Variants in ATP8A2 observed in about 807,000 individuals in gnomAD.
The protein encoded by ATP8A2 is ATPase phospholipid transporting 8A2.
Under a neutral mutation model 165.6 loss-of-function variants are expected in ATP8A2, and 100 were observed. The ratio of observed to expected loss-of-function variants is 0.60; its 90% confidence interval spans 0.51 to 0.71. The LOEUF is 0.71. Among genes scored for constraint, ATP8A2 ranks in the 30% least tolerant of loss-of-function variants. The probability of loss-of-function intolerance (pLI) is 0.00; values close to 1 mark genes in which losing one functional copy is unlikely to be tolerated. For missense variants in ATP8A2, 1,227 were observed against 1,479.5 expected (o/e 0.83, Z 2.80); for synonymous variants, 543 against 548.8 (o/e 0.99, Z 0.15).
intron 24 of ATP8A2, among the ~76,000 whole-genome samples, chr13:25,652,553 C>T (rs1197895660): frequency 6.6e-6 from 1 of 152,200 alleles, no homozygotes; most frequent in Non-Finnish European, 1.5e-5. Flanking sequence ...TTCATTTAAA[C>T]ATGTTATTCA....
intron 33 of ATP8A2, among the ~76,000 whole-genome samples, chr13:25,866,918 G>A (rs1046536367): frequency 1.3e-4 from 20 of 152,196 alleles, no homozygotes; most frequent in Non-Finnish European, 2.6e-4. Context: ...GGTGACCACC[G>A]TAAGGGCAGC....
rs114954133 is a variant in ATP8A2 at position 25,582,292 on chromosome 13, G to A, written c.2146+335G>A. ...ATGTTTTTACTAGGTTTAAATATGC[G>A]TTATTATTTTATGTAATTATAACCA... On this transcript the variant is annotated intron_variant, in intron 23 of 36. Transcript: ENST00000381655. Among the ~76,000 whole-genome samples, 1,088 of 152,276 alleles carry A rather than the reference G, an allele frequency of 7.1e-3. 16 individuals are homozygous for A. The highest frequency in any genetic ancestry group is 0.025 in the African/African-American group (1,045 of 41,564).
intron 27 of ATP8A2, among the ~76,000 whole-genome samples, chr13:25,786,040 T>G (rs1405301587): frequency 1.3e-5 from 2 of 152,218 alleles, no homozygotes; most frequent in African/African-American, 4.8e-5. Flanking sequence ...CACCCTTATG[T>G]ATGCAAGTAA....
chr13:25,508,789 GTCT>G (rs2037130586), intron 2 of ATP8A2, among the ~76,000 whole-genome samples: 1 of 152,210 alleles, frequency 6.6e-6, no homozygotes, highest in Non-Finnish European at 1.5e-5. Flanking sequence ...GCTTCAGAAT[GTCT>G]GCCCCAGGGC....
intron 33 of ATP8A2, among the ~76,000 whole-genome samples, chr13:25,893,871 A>G (rs1296540347): frequency 7.2e-5 from 11 of 152,118 alleles, no homozygotes; most frequent in Non-Finnish European, 1.6e-4. Context: ...GTCTGTTCAT[A>G]TCCTTTGCCC....
At position 25,372,365 on chromosome 13, in the gene ATP8A2, C is replaced by A; in HGVS notation, c.76+77C>A. On this transcript the variant is annotated intron_variant, in intron 1 of 36. Coordinates refer to ENST00000381655, the MANE Select transcript of ATP8A2 (RefSeq NM_016529.6). The surrounding 1 kb of genome is among the most constrained non-coding windows in gnomAD (Gnocchi z 4.8). ...GCGGGGCGCGCCTGCGGTTATGCGA[C>A]ACTGCCCCGCCCGCGCCCCGCTCCC... 9.2e-7 allele frequency: 1 copy of A among 1,085,956 alleles called. No homozygotes were observed. The highest frequency in any genetic ancestry group is 1.2e-6 in the Non-Finnish European group (1 of 818,838). The allele number at this position is 1,085,956 out of a possible 1,614,324, so 67.3% of individuals were successfully genotyped here. A position where few individuals can be genotyped will look rare whatever the true frequency, so the allele number is the denominator to read the frequency against.
At chr13:25,538,659 A>G (rs984061346) in intron 7 of ATP8A2, among the ~76,000 whole-genome samples, 2 of 152,198 alleles carry the variant, frequency 1.3e-5, no homozygotes, top group Non-Finnish European at 2.9e-5. Context: ...GTACATAGCT[A>G]GGAAAGAAAG....
Position 25,818,525 on chromosome 13 carries a change from G to A in ATP8A2, c.2680-9593G>A, listed in dbSNP as rs372974077. On this transcript the variant is annotated intron_variant, in intron 27 of 36. Transcript: ENST00000381655. The stretch of plus-strand genomic sequence containing the variant: ...ATATCTTTCATCTTCTCTGTGCCCC[G>A]ATTTCCTCATTTGTGAAATGGAATA... 5.3e-5 allele frequency among the ~76,000 whole-genome samples: 8 copies of A among 152,206 alleles called. No individual in the cohort carries two copies. The East Asian group carries it at 7.7e-4, about 15-fold the overall frequency.
chr13:25,644,103 G>A (rs1253087054), intron 24 of ATP8A2, among the ~76,000 whole-genome samples: 1 of 151,810 alleles, frequency 6.6e-6, no homozygotes, highest in Non-Finnish European at 1.5e-5. Context: ...TTTAGATTTT[G>A]CAACTTTATT....
At chr13:25,451,343 A>G (rs1286217290) in intron 1 of ATP8A2, among the ~76,000 whole-genome samples, 2 of 152,130 alleles carry the variant, frequency 1.3e-5, no homozygotes, top group South Asian at 4.1e-4. Context: ...TGGCTCAGAA[A>G]TCATTTTCAG....
chr13:25,773,111 A>G (rs1321555939), intron 26 of ATP8A2, among the ~76,000 whole-genome samples: 1 of 152,132 alleles, frequency 6.6e-6, no homozygotes, highest in Admixed American at 6.5e-5. Flanking sequence ...GAAGTATATA[A>G]CTGCAAAAGA....
At chr13:25,627,581 T>G (rs1358714608) in intron 24 of ATP8A2, among the ~76,000 whole-genome samples, 3 of 152,176 alleles carry the variant, frequency 2.0e-5, no homozygotes, top group Admixed American at 6.5e-5. Flanking sequence ...AAGGTGGCTG[T>G]CTGTGAGCCA....
intron 35 of ATP8A2, among the ~76,000 whole-genome samples, chr13:25,973,123 GC>G (rs1482889617): frequency 3.9e-5 from 6 of 152,170 alleles, no homozygotes. Context: ...CCCGGTTGCT[GC>G]CCCTGCCTTT....
At position 25,789,326 on chromosome 13, in the gene ATP8A2, T is replaced by G. The variant is rs533808434; in HGVS notation, c.2679+14367T>G. 4.6e-5 allele frequency among the ~76,000 whole-genome samples: 7 copies of G among 152,274 alleles called. No individual in the cohort carries two copies. In the South Asian group the frequency reaches 8.3e-4, roughly 18 times the overall value. ...ATTTTATTGCAAAGTTAGCTAAAAA[T>G]AAAACTCTAGTGTTTAAACAAAACA... On this transcript the variant is annotated intron_variant, in intron 27 of 36. Coordinates refer to ENST00000381655, the MANE Select transcript of ATP8A2 (RefSeq NM_016529.6).
At chr13:25,746,740 A>C (rs2044040539) in intron 25 of ATP8A2, among the ~76,000 whole-genome samples, 1 of 152,234 alleles carries the variant, frequency 6.6e-6, no homozygotes, top group Non-Finnish European at 1.5e-5. Flanking sequence ...AAATCTGTTG[A>C]TTCCAGCTGA....
chr13:25,684,988 T>G (rs994329364), intron 24 of ATP8A2, among the ~76,000 whole-genome samples: 2 of 152,214 alleles, frequency 1.3e-5, no homozygotes, highest in African/African-American at 4.8e-5. Flanking sequence ...AGGCTTTGAA[T>G]TATACCTGAG....
intron 1 of ATP8A2, chr13:25,468,667 G>T: frequency 7.1e-6 from 2 of 283,040 alleles, no homozygotes; most frequent in Non-Finnish European, 1.1e-5. Context: ...TGGGCGTCCA[G>T]CCCGGCCCGG....
intron 33 of ATP8A2, among the ~76,000 whole-genome samples, chr13:25,891,757 G>A (rs1367557049): frequency 1.3e-5 from 2 of 152,184 alleles, no homozygotes; most frequent in South Asian, 2.1e-4. Flanking sequence ...GCATTTAAGT[G>A]TATGAGTGTT....
At chr13:25,640,764 A>C (rs1034206455) in intron 24 of ATP8A2, among the ~76,000 whole-genome samples, 2 of 152,226 alleles carry the variant, frequency 1.3e-5, no homozygotes, top group Non-Finnish European at 2.9e-5. Context: ...TGAGGCCAGC[A>C]TCATCCTGAT....
Sources: allele counts gnomAD v4.1 joint callset (sites outside exome capture counted in the v4.1 genomes callset), GRCh38; gene constraint gnomAD v4.1.1; non-coding constraint Gnocchi (gnomAD v3.1); transcripts MANE v1.5; gene names NCBI Gene and HGNC (gene_info 2026-07-23, HGNC 2026-07-21).